PRDM5: variants seen among roughly 807,000 people sequenced by gnomAD.
PRDM5 encodes PR domain zinc finger protein 5.
Under a neutral mutation model 81.2 loss-of-function variants are expected in PRDM5, and 56 were observed. The ratio of observed to expected loss-of-function variants is 0.69; its 90% CI spans 0.56 to 0.86. PRDM5 has a LOEUF of 0.86. Among genes scored for constraint, PRDM5 ranks in the 40% least tolerant of loss-of-function variants. PRDM5 has a pLI of 0.00. For missense variants in PRDM5, 697 were observed against 770.1 expected (o/e 0.91, Z 1.12); for synonymous variants, 267 against 256.4 (o/e 1.04, Z -0.39).
At chr4:120,709,310 G>T (rs747182288) in intron 15 of PRDM5, among the ~76,000 whole-genome samples, 9 of 152,046 alleles carry the variant, frequency 5.9e-5, no homozygotes, top group Non-Finnish European at 1.2e-4. Flanking sequence ...ACTGAACTAG[G>T]GCTGTAGCTC....
chr4:120,803,231 T>C (rs1025961646), intron 8 of PRDM5, among the ~76,000 whole-genome samples: 1 of 152,130 alleles, frequency 6.6e-6, no homozygotes, highest in African/African-American at 2.4e-5. Context: ...CTACATCTGA[T>C]TGTTGTACCT....
rs574316883 is a variant in PRDM5 at position 120,865,604 on chromosome 4, T to C, written c.178-12064A>G. The stretch of plus-strand genomic sequence containing the variant: ...TTGGTGACAGGGTTATAGCGATGCA[T>C]GGTTGGATTTGCTCGAGGTCAGATG... On this transcript the variant is annotated intron_variant, in intron 2 of 15. Coordinates refer to ENST00000264808, the MANE Select transcript of PRDM5 (RefSeq NM_018699.4). Among the ~76,000 whole-genome samples the C allele has an allele frequency of 2.6e-5, 4 of 152,322 alleles. No individual in the cohort carries two copies. In the South Asian group the frequency reaches 6.2e-4, roughly 24 times the overall value.
chr4:120,807,313 C>A (rs114356763), intron 8 of PRDM5, among the ~76,000 whole-genome samples: 1 of 152,322 alleles, frequency 6.6e-6, no homozygotes, highest in Admixed American at 6.5e-5. Flanking sequence ...GGAGCTAGAA[C>A]TAGAAATACC....
At position 120,694,941 on chromosome 4, in the gene PRDM5, A is replaced by G; in HGVS notation, c.*170T>C. ...ATTTATACCATTTCTTGTTAAAAGT[A>G]AGACTTTTTTTTGGTTGCATATGCA... On this transcript the variant is annotated 3_prime_UTR_variant, in exon 16 of 16. Coordinates refer to ENST00000264808, the MANE Select transcript of PRDM5 (RefSeq NM_018699.4). 1.4e-6 allele frequency: 1 copy of G among 718,682 alleles called. No homozygotes were observed. Among genetic ancestry groups the G allele is most frequent in the East Asian group, 2.7e-5 (1 of 36,894 alleles). The allele number at this position is 718,682 out of a possible 1,614,324, so 44.5% of individuals were successfully genotyped here.
At chr4:120,843,297 G>C (rs2149397018) in intron 3 of PRDM5, among the ~76,000 whole-genome samples, 1 of 152,228 alleles carries the variant, frequency 6.6e-6, no homozygotes, top group South Asian at 2.1e-4. Context: ...TTGTGCCACT[G>C]CATCACTCCA....
At chr4:120,902,173 T>G (rs1409384446) in intron 2 of PRDM5, among the ~76,000 whole-genome samples, 2 of 152,168 alleles carry the variant, frequency 1.3e-5, no homozygotes, top group Non-Finnish European at 2.9e-5. Flanking sequence ...CAGCTGCTAC[T>G]GGATTCACCA....
At chr4:120,913,924 G>A (rs1766792551) in intron 1 of PRDM5, among the ~76,000 whole-genome samples, 1 of 152,206 alleles carries the variant, frequency 6.6e-6, no homozygotes, top group East Asian at 1.9e-4. Flanking sequence ...CAGCCTATCT[G>A]CCAGTGCAGG....
intron 5 of PRDM5, 51 bp downstream of exon 5, chr4:120,818,302 A>G: frequency 6.4e-7 from 1 of 1,564,156 alleles, no homozygotes; most frequent in South Asian, 1.1e-5. Context: ...AGCTGAATGG[A>G]ATAAACTGTG....
Position 120,695,104 on chromosome 4 carries a change from G to A in PRDM5, c.*7C>T. On this transcript the variant is annotated 3_prime_UTR_variant, in exon 16 of 16. Coordinates refer to ENST00000264808, the MANE Select transcript of PRDM5 (RefSeq NM_018699.4). ...TTCTGAATAGTTTAATTCCTTTACA[G>A]CCCCTATTAGCTGTCAGCTACACCA... 6.2e-7 allele frequency: 1 copy of A among 1,610,604 alleles called. No individual in the cohort carries two copies. Among genetic ancestry groups the A allele is most frequent in the South Asian group, 1.1e-5 (1 of 91,018 alleles).
intron 3 of PRDM5, among the ~76,000 whole-genome samples, chr4:120,850,735 T>C (rs1369909770): frequency 1.3e-5 from 2 of 152,172 alleles, no homozygotes; most frequent in African/African-American, 4.8e-5. Context: ...CTCACTCCTC[T>C]TGTTAAGTCA....
intron 8 of PRDM5, among the ~76,000 whole-genome samples, chr4:120,805,692 G>A (rs1438921341): frequency 6.6e-6 from 1 of 152,056 alleles, no homozygotes; most frequent in Non-Finnish European, 1.5e-5. Context: ...GGTACTGATG[G>A]GACATATCTC....
chr4:120,774,926 A>G (rs11098587), intron 13 of PRDM5, among the ~76,000 whole-genome samples: 7,996 of 138,884 alleles, frequency 0.058, 360 homozygotes, highest in Middle Eastern at 0.16. Context: ...ATATGTATAT[A>G]TATGTATATG....
intron 14 of PRDM5, among the ~76,000 whole-genome samples, chr4:120,720,029 T>A (rs1738360438): frequency 6.6e-6 from 1 of 152,158 alleles, no homozygotes; most frequent in African/African-American, 2.4e-5. Context: ...GGCCTCACTG[T>A]GAGCCACAAA....
chr4:120,844,537 AG>A (rs1165132042), intron 3 of PRDM5, among the ~76,000 whole-genome samples: 1 of 152,174 alleles, frequency 6.6e-6, no homozygotes, highest in Non-Finnish European at 1.5e-5. Flanking sequence ...GTAATTGTTT[AG>A]GGGGCCACCA....
rs559554071 is a variant in PRDM5 at position 120,764,971 on chromosome 4, C to T, written c.1538-10333G>A. 3.1e-4 allele frequency among the ~76,000 whole-genome samples: 47 copies of T among 151,976 alleles called. No homozygotes were observed. In the East Asian group the frequency reaches 4.1e-3, roughly 13 times the overall value. On this transcript the variant is annotated intron_variant, in intron 13 of 15. Transcript: ENST00000264808. Reference sequence around the variant, plus strand: ...TGTTGTTTTAAAATGTTTACATTTTCGTTTGTGTTTATAATTCAGTAATCA... The same window carrying T: ...TGTTGTTTTAAAATGTTTACATTTTTGTTTGTGTTTATAATTCAGTAATCA...
chr4:120,721,376 G>A (rs1459458832), intron 14 of PRDM5, among the ~76,000 whole-genome samples: 1 of 152,160 alleles, frequency 6.6e-6, no homozygotes, highest in Non-Finnish European at 1.5e-5. Context: ...GTAGGGACAG[G>A]CACTAGCTTT....
rs1734170922 is a variant in PRDM5 at position 120,692,942 on chromosome 4, CT to C, written c.*2168del. On this transcript the variant is annotated 3_prime_UTR_variant, in exon 16 of 16. Transcript: ENST00000264808. The stretch of plus-strand genomic sequence containing the variant: ...TCTGAAACTACCCATGAATACTTGT[CT>C]TTTGGATAAAAATTTACAGCATACA... 6.6e-6 allele frequency: 1 copy of C among 152,044 alleles called. No individual in the cohort carries two copies. The highest frequency in any genetic ancestry group is 2.4e-5 in the African/African-American group (1 of 41,410). 9.4% of individuals were successfully genotyped at this position (152,044 alleles called of 1,614,324 possible).
At chr4:120,876,523 C>G (rs1216427941) in intron 2 of PRDM5, among the ~76,000 whole-genome samples, 1 of 152,068 alleles carries the variant, frequency 6.6e-6, no homozygotes, top group Non-Finnish European at 1.5e-5. Context: ...AGTACAGTGA[C>G]TTTTAGGAAC....
At chr4:120,784,249 G>A (rs911673276) in intron 11 of PRDM5, among the ~76,000 whole-genome samples, 1 of 152,130 alleles carries the variant, frequency 6.6e-6, no homozygotes, top group Non-Finnish European at 1.5e-5. Context: ...TGTAAAAAGA[G>A]CTCTAAGTGT....
Sources: gnomAD v4.1 joint callset for allele counts (sites outside exome capture counted in the v4.1 genomes callset) on GRCh38, gnomAD v4.1.1 for gene constraint, MANE v1.5 for transcripts, NCBI Gene and HGNC (gene_info 2026-07-23, HGNC 2026-07-21) for gene names.